PAK3: variants seen among roughly 807,000 people sequenced by gnomAD.
PAK3 encodes p21 (RAC1) activated kinase 3.
PAK3 carries 4 observed loss-of-function variants against 41.0 expected under a neutral mutation model. The observed-to-expected ratio is 0.10, with a 90% confidence interval of 0.05 to 0.22. The LOEUF is 0.22. Among genes scored for constraint, PAK3 ranks in the 10% least tolerant of loss-of-function variants. The pLI is 1.00. For missense variants in PAK3, 205 were observed against 409.9 expected, an observed-to-expected ratio of 0.50 and a Z score of 4.32; for synonymous variants, 146 against 139.6, an observed-to-expected ratio of 1.05 and a Z score of -0.32.
At chrX:110,989,512 G>T (rs147153819) in intron 1 of PAK3, among the ~76,000 whole-genome samples, 10 of 111,305 alleles carry the variant, frequency 9.0e-5, no homozygotes, top group Non-Finnish European at 1.9e-5. Context: ...TTTCAATGTC[G>T]GTTACCAGTT....
intron 7 of PAK3, among the ~76,000 whole-genome samples, chrX:111,148,661 G>A (rs1396405715): frequency 1.8e-5 from 2 of 111,348 alleles, no homozygotes; most frequent in South Asian, 3.9e-4. Context: ...GGAGAACCCC[G>A]ATAAAACCAT....
intron 1 of PAK3, among the ~76,000 whole-genome samples, chrX:111,072,851 T>C (rs1204603235): frequency 9.0e-6 from 1 of 111,680 alleles, no homozygotes; most frequent in East Asian, 2.8e-4. Context: ...GCTGAAGATG[T>C]TTTTCTCACA....
At chrX:111,179,294 C>T (rs953244685) in intron 11 of PAK3, among the ~76,000 whole-genome samples, 5 of 109,765 alleles carry the variant, frequency 4.6e-5, no homozygotes, top group Admixed American at 2.0e-4. Context: ...TAATTCTGTT[C>T]GTGGATATTT....
At chrX:111,063,988 G>T (rs1331632705) in intron 1 of PAK3, among the ~76,000 whole-genome samples, 4 of 111,337 alleles carry the variant, frequency 3.6e-5, no homozygotes, top group Admixed American at 1.9e-4. Flanking sequence ...AAATTATCCT[G>T]GTTTCCCAGG....
At position 111,176,256 on chromosome X, in the gene PAK3, A is replaced by G. The variant is rs763869359; in HGVS notation, c.830+3175A>G. 5.5e-3 allele frequency among the ~76,000 whole-genome samples: 606 copies of G among 110,699 alleles called. 2 individuals carry two copies. The highest frequency in any genetic ancestry group is 9.3e-3 in the Middle Eastern group (2 of 216). ...ATGAAAATGTTTGTCTTTCCACTGC[A>G]TCTTCTCACTCGTAAGTGGGAGTTG... On this transcript the variant is annotated intron_variant, in intron 11 of 17. Transcript: ENST00000372007.
chrX:111,131,380 G>A (rs17320868), intron 5 of PAK3, among the ~76,000 whole-genome samples: 4 of 111,025 alleles, frequency 3.6e-5, no homozygotes, highest in South Asian at 7.6e-4. Flanking sequence ...ATATGTATTC[G>A]CCCAAGATGC....
intron 1 of PAK3, among the ~76,000 whole-genome samples, chrX:110,954,147 T>G (rs902353097): frequency 7.5e-4 from 84 of 111,736 alleles, no homozygotes; most frequent in African/African-American, 2.7e-3. Flanking sequence ...GAGTCAGCAC[T>G]AGTGTACACC....
In PAK3 at chrX:111,109,019, A is replaced by G. The variant is rs1410693198; in HGVS notation, c.-28+5713A>G. Among the ~76,000 whole-genome samples, 3 of 112,064 alleles carry G rather than the reference A, an allele frequency of 2.7e-5. No homozygotes were observed. In the East Asian group the frequency reaches 8.5e-4, roughly 32 times the overall value. ...TGGTATCAGCCAGACCACCATTTGA[A>G]TCCCAGTTTGGCCACTTCCTAGCTG... On this transcript the variant is annotated intron_variant, in intron 4 of 17. Coordinates refer to ENST00000372007, the MANE Select transcript of PAK3 (RefSeq NM_002578.5).
chrX:110,976,760 C>T (rs1182271731), intron 1 of PAK3, among the ~76,000 whole-genome samples: 6 of 111,718 alleles, frequency 5.4e-5, no homozygotes, highest in African/African-American at 2.0e-4. Flanking sequence ...ACATATACAA[C>T]ATGGAATACT....
chrX:110,973,359 A>G (rs2091253641), intron 1 of PAK3, among the ~76,000 whole-genome samples: 1 of 112,383 alleles, frequency 8.9e-6, no homozygotes, highest in South Asian at 3.7e-4. Context: ...GACTAACAGC[A>G]GATCTCTCTG....
chrX:111,203,596 C>A (rs1203511276), intron 16 of PAK3, among the ~76,000 whole-genome samples: 1 of 111,718 alleles, frequency 9.0e-6, no homozygotes, highest in East Asian at 2.8e-4. Context: ...CCTTTTCCTG[C>A]ACTTAAAGCA....
intron 1 of PAK3, among the ~76,000 whole-genome samples, chrX:111,009,108 G>C (rs1241361949): frequency 9.0e-6 from 1 of 111,198 alleles, no homozygotes; most frequent in African/African-American, 3.3e-5. Context: ...TACATTCACA[G>C]TGTTACAGAA....
intron 10 of PAK3, among the ~76,000 whole-genome samples, chrX:111,168,899 C>T (rs188958983): frequency 2.5e-3 from 279 of 110,986 alleles, no homozygotes; most frequent in Non-Finnish European, 4.6e-3. Flanking sequence ...AAGTCCAGGC[C>T]CTTGCGCATT....
intron 1 of PAK3, among the ~76,000 whole-genome samples, chrX:110,956,844 T>C (rs1204507175): frequency 3.6e-5 from 4 of 111,806 alleles, no homozygotes; most frequent in African/African-American, 1.3e-4. Context: ...GCTGCCATAG[T>C]GACAATTCCT....
At chrX:111,000,825 CAG>C (rs1438912129) in intron 1 of PAK3, among the ~76,000 whole-genome samples, 2 of 111,096 alleles carry the variant, frequency 1.8e-5, no homozygotes, top group Non-Finnish European at 3.8e-5. Context: ...AATTGACAGC[CAG>C]AGAGAGAAGA....
intron 11 of PAK3, among the ~76,000 whole-genome samples, chrX:111,188,419 A>G (rs2094532191): frequency 9.1e-6 from 1 of 110,493 alleles, no homozygotes; most frequent in South Asian, 3.9e-4. Flanking sequence ...CTCCCAATTT[A>G]TTTGTTTAAT....
At chrX:111,113,670 C>G (rs2093413491) in intron 4 of PAK3, among the ~76,000 whole-genome samples, 1 of 111,079 alleles carries the variant, frequency 9.0e-6, no homozygotes, top group South Asian at 3.8e-4. Flanking sequence ...GCACAACATG[C>G]AGGTTTGTCA....
chrX:111,054,861 A>C (rs2092590218), intron 1 of PAK3, among the ~76,000 whole-genome samples: 1 of 111,398 alleles, frequency 9.0e-6, no homozygotes, highest in Admixed American at 9.5e-5. Flanking sequence ...TAATCTAACA[A>C]CTGAAGGCAT....
intron 1 of PAK3, among the ~76,000 whole-genome samples, chrX:111,074,651 A>C (rs938482913): frequency 2.7e-5 from 3 of 112,280 alleles, no homozygotes; most frequent in Non-Finnish European, 1.9e-5. Context: ...CTGTAAAGAT[A>C]CCTGAAAATG....
Sources: gnomAD v4.1 joint callset for allele counts (sites outside exome capture counted in the v4.1 genomes callset) on GRCh38, gnomAD v4.1.1 for gene constraint, MANE v1.5 for transcripts, NCBI Gene and HGNC (gene_info 2026-07-23, HGNC 2026-07-21) for gene names.